Variants in ATXN2 observed in about 807,000 individuals in gnomAD.
The protein encoded by ATXN2 is ataxin-2.
A neutral mutation model predicts 138.6 loss-of-function variants in ATXN2; 37 were observed. The ratio of observed to expected loss-of-function variants is 0.27; its 90% CI spans 0.21 to 0.35. The LOEUF is 0.35. Ranked by LOEUF, ATXN2 falls within the 10% of genes least tolerant of loss-of-function variation. ATXN2 has a pLI of 1.00. For missense variants in ATXN2, 1,216 were observed against 1,480.3 expected (o/e 0.82, Z 2.93); for synonymous variants, 549 against 543.7 (o/e 1.01, Z -0.13).
intron 1 of ATXN2, among the ~76,000 whole-genome samples, chr12:111,565,176 C>A (rs1039517742): frequency 2.0e-5 from 3 of 151,132 alleles, no homozygotes; most frequent in African/African-American, 7.3e-5. Context: ...AAAAAAAAAA[C>A]GTATTTTACT....
chr12:111,540,646 G>A (rs1005923148), intron 5 of ATXN2, among the ~76,000 whole-genome samples: 1 of 147,134 alleles, frequency 6.8e-6, no homozygotes, highest in African/African-American at 2.5e-5. Context: ...ACTTTTCCCA[G>A]TTTGTGGCAT....
At chr12:111,599,540 G>A, upstream of ATXN2, 6 of 1,198,354 alleles carry the variant, frequency 5.0e-6, no homozygotes, top group Non-Finnish European at 5.2e-6. Flanking sequence ...CCGAGGCGCC[G>A]GGTGGGAGCG....
In ATXN2 at chr12:111,452,509, G is replaced by T. The variant is rs1593086910; in HGVS notation, c.*303C>A. On this transcript the variant is annotated 3_prime_UTR_variant, in exon 25 of 25. Coordinates refer to ENST00000673436, the MANE Select transcript of ATXN2 (RefSeq NM_001372574.1). Reference sequence around the variant, plus strand: ...TTCTTTTGCTAGCTGATGTGTTCATGACTTTCAAGGGTTATTAAAAAATAA... The same window carrying T: ...TTCTTTTGCTAGCTGATGTGTTCATTACTTTCAAGGGTTATTAAAAAATAA... 1.2e-5 allele frequency: 3 copies of T among 243,228 alleles called. No individual in the cohort carries two copies. Among genetic ancestry groups the T allele is most frequent in the Non-Finnish European group, 7.9e-6 (1 of 126,702 alleles). The allele number at this position is 243,228 out of a possible 1,614,324, so 15.1% of individuals were successfully genotyped here.
chr12:111,574,349 T>C (rs766747628), intron 1 of ATXN2, among the ~76,000 whole-genome samples: 3 of 151,434 alleles, frequency 2.0e-5, no homozygotes, highest in Non-Finnish European at 4.4e-5. Flanking sequence ...GGAGACTTCT[T>C]ATAGCATTTA....
Position 111,485,827 on chromosome 12 carries a change from T to G in ATXN2, c.2343A>C (p.Gln781His). ...CCACCATAGATGGGCTAGGTTGTGC[T>G]TGAGGCCGAGGTGAAGTTGGGGTAG... Reference protein sequence around the residue: ...PSTTPTSPRPQAQPSPSMVGH... With the variant: ...PSTTPTSPRPHAQPSPSMVGH... The change falls in exon 17 of 25, where the codon CAA (glutamine) becomes CAC (histidine). Residue 781 changes from glutamine (Q) to histidine (H), a missense_variant. Transcript: ENST00000673436. The G allele has an allele frequency of 6.2e-7, 1 of 1,614,112 alleles. No homozygotes were observed. The highest frequency in any genetic ancestry group is 8.5e-7 in the Non-Finnish European group (1 of 1,179,994).
chr12:111,515,441 T>C (rs1426801411), intron 10 of ATXN2, among the ~76,000 whole-genome samples: 1 of 152,196 alleles, frequency 6.6e-6, no homozygotes, highest in Non-Finnish European at 1.5e-5. Context: ...CAATGATGGA[T>C]TTAGCGCCAA....
chr12:111,598,843 G>A lies in ATXN2; in HGVS notation c.192C>T (p.Ala64=). The A allele has an allele frequency of 1.4e-6, 2 of 1,471,838 alleles. No homozygotes were observed. Among genetic ancestry groups the A allele is most frequent in the Non-Finnish European group, 8.9e-7 (1 of 1,117,676 alleles). The allele number at this position is 1,471,838 out of a possible 1,614,324, so 91.2% of individuals were successfully genotyped here. A position where few individuals can be genotyped will look rare whatever the true frequency, so the allele number is the denominator to read the frequency against. Residue 64 remains alanine (A), a synonymous_variant, in exon 1 of 25, where the codon GCC becomes GCT. Coordinates refer to ENST00000673436, the MANE Select transcript of ATXN2 (RefSeq NM_001372574.1). The surrounding 1 kb of genome is among the most constrained non-coding windows in gnomAD (Gnocchi z 4.5). ...PSSSSVSSSS[A]TAPSSVVAAT... ...CCGCGACCACCGAGGAGGGAGCCGTGGCCGAGGACGAGGAGACCGAGGACG... is the reference window on the plus strand; with the variant it reads ...CCGCGACCACCGAGGAGGGAGCCGTAGCCGAGGACGAGGAGACCGAGGACG...
rs536720306 is a variant in ATXN2 at position 111,552,770 on chromosome 12, C to T, written c.420+136G>A. ...ACATCAAGAAGCCTCTCTGATTACA[C>T]AAACCAGTCTATAAAATAATCAGTA... On this transcript the variant is annotated intron_variant, in intron 4 of 24. Transcript: ENST00000673436. This position sits in a 1 kb window ranked among gnomAD's most constrained non-coding sequence, Gnocchi z 4.1. The T allele has an allele frequency of 2.4e-5, 15 of 629,418 alleles. No individual in the cohort carries two copies. Among genetic ancestry groups the T allele is most frequent in the African/African-American group, 2.3e-4 (12 of 51,782 alleles). The allele number at this position is 629,418 out of a possible 1,614,324, so 39.0% of individuals were successfully genotyped here.
Position 111,566,651 on chromosome 12 carries a change from T to C in ATXN2, c.252-10732A>G, listed in dbSNP as rs538885854. ...GAAATTGCTTTTCTTTTTTTTTTTT[T>C]TTAAGATAGAGTTTCGCTCCTGTTG... On this transcript the variant is annotated intron_variant, in intron 1 of 24. Transcript: ENST00000673436. Among the ~76,000 whole-genome samples, 4 of 151,686 alleles carry C rather than the reference T, an allele frequency of 2.6e-5. No homozygotes were observed. The South Asian group carries it at 8.3e-4, about 32-fold the overall frequency.
chr12:111,507,219 G>A (rs562296029), intron 14 of ATXN2, among the ~76,000 whole-genome samples: 5 of 151,886 alleles, frequency 3.3e-5, no homozygotes, highest in East Asian at 1.9e-4. Context: ...AGGAAGTGAG[G>A]AGCGTCTCTG....
chr12:111,546,506 G>C (rs930642077), intron 5 of ATXN2, among the ~76,000 whole-genome samples: 2 of 152,024 alleles, frequency 1.3e-5, no homozygotes, highest in Non-Finnish European at 2.9e-5. Flanking sequence ...CTATCATCTA[G>C]GCTGAGAATA....
At chr12:111,480,650 A>C (rs762663504) in intron 18 of ATXN2, among the ~76,000 whole-genome samples, 7 of 152,180 alleles carry the variant, frequency 4.6e-5, no homozygotes, top group Admixed American at 1.3e-4. Context: ...CATCAGAGCG[A>C]CACTCCATCT....
At chr12:111,499,413 C>T (rs555428270) in intron 14 of ATXN2, among the ~76,000 whole-genome samples, 8 of 152,246 alleles carry the variant, frequency 5.3e-5, no homozygotes, top group East Asian at 1.9e-4. Context: ...TCTCAAAAGA[C>T]GACATACAGG....
rs560494063 is a variant in ATXN2 at position 111,526,927 on chromosome 12, A to G, written c.572-1611T>C. Among the ~76,000 whole-genome samples the G allele has an allele frequency of 2.8e-4, 42 of 152,328 alleles. No individual in the cohort carries two copies. The South Asian group carries it at 3.1e-3, about 11-fold the overall frequency. On this transcript the variant is annotated intron_variant, in intron 5 of 24. Coordinates refer to ENST00000673436, the MANE Select transcript of ATXN2 (RefSeq NM_001372574.1). ...ATATAACCACTCTGCTACAAAGTTC[A>G]GGCCCTACAGTATTACCTGTCTCAG...
At chr12:111,534,674 A>G (rs1221452248) in intron 5 of ATXN2, among the ~76,000 whole-genome samples, 1 of 152,054 alleles carries the variant, frequency 6.6e-6, no homozygotes, top group Non-Finnish European at 1.5e-5. Flanking sequence ...ACTGTACTTC[A>G]TGACACCCTA....
intron 5 of ATXN2, among the ~76,000 whole-genome samples, chr12:111,538,420 G>A (rs528950331): frequency 1.3e-5 from 2 of 151,994 alleles, no homozygotes; most frequent in Admixed American, 6.6e-5. Flanking sequence ...GTCTCACTTG[G>A]CTCACTGCAG....
At chr12:111,543,580 C>T (rs773667298) in intron 5 of ATXN2, among the ~76,000 whole-genome samples, 17 of 152,138 alleles carry the variant, frequency 1.1e-4, no homozygotes, top group Non-Finnish European at 1.6e-4. Context: ...ATTAGAGGCG[C>T]ACACCAGCAC....
At chr12:111,594,030 C>T (rs1459738680) in intron 1 of ATXN2, among the ~76,000 whole-genome samples, 1 of 152,172 alleles carries the variant, frequency 6.6e-6, no homozygotes, top group Non-Finnish European at 1.5e-5. Flanking sequence ...ACTCATTCCC[C>T]TCCCCACACT....
At position 111,555,798 on chromosome 12, in the gene ATXN2, T is replaced by C. The variant is rs1323509350; in HGVS notation, c.288+85A>G. On this transcript the variant is annotated intron_variant, in intron 2 of 24. Coordinates refer to ENST00000673436, the MANE Select transcript of ATXN2 (RefSeq NM_001372574.1). ...TATGACAAAATTCAAAAGAAGGGAA[T>C]CTTTTGCCTTGGCATTTGGTCTGTG... is the stretch of plus-strand genomic sequence containing the variant. 6.2e-6 allele frequency: 7 copies of C among 1,129,748 alleles called. No individual in the cohort carries two copies. In the Admixed American group the frequency reaches 7.1e-5, roughly 11 times the overall value. The allele number at this position is 1,129,748 out of a possible 1,614,324, so 70.0% of individuals were successfully genotyped here.
Sources: allele counts gnomAD v4.1 joint callset (sites outside exome capture counted in the v4.1 genomes callset), GRCh38; gene constraint gnomAD v4.1.1; non-coding constraint Gnocchi (gnomAD v3.1); transcripts MANE v1.5; gene names NCBI Gene and HGNC (gene_info 2026-07-23, HGNC 2026-07-21).